NPY2R: variants seen among roughly 807,000 people sequenced by gnomAD.
NPY2R encodes neuropeptide Y receptor type 2.
A neutral mutation model predicts 22.3 loss-of-function variants in NPY2R; 17 were observed. The observed-to-expected ratio is 0.76, with a 90% confidence interval of 0.52 to 1.14. The LOEUF (loss-of-function observed/expected upper bound fraction) is 1.14. NPY2R is among the 50% of genes most tolerant of loss of function. NPY2R has a pLI of 0.00. For synonymous variants in NPY2R, 209 were observed against 183.4 expected (o/e 1.14, Z -1.13); for missense variants, 424 against 467.9 (o/e 0.91, Z 0.87).
chr4:155,174,462 T>TATATATATATATATATATATATATATA, the NPY2R span, among the ~76,000 whole-genome samples: 1 of 116,674 alleles, frequency 8.6e-6, no homozygotes, highest in African/African-American at 4.5e-5. Context: ...TGGCTAAGCT[T>TATATATATATATATATATATATATATA]TATATATATA....
chr4:155,173,963 T>A, the NPY2R span, among the ~76,000 whole-genome samples: 1 of 152,090 alleles, frequency 6.6e-6, no homozygotes, highest in South Asian at 2.1e-4. Flanking sequence ...AATACATGTT[T>A]TAATGCTTTA....
rs766234231 is a variant in NPY2R at position 155,215,839 on chromosome 4, C to T, written c.*754C>T. The stretch of plus-strand genomic sequence containing the variant: ...TTAATTTCTAATTTCAAGTTACATC[C>T]GCTTTATGGAGATACTATTTAGATA... On this transcript the variant is annotated 3_prime_UTR_variant, in exon 2 of 2. Coordinates refer to ENST00000329476, the MANE Select transcript of NPY2R (RefSeq NM_000910.4). 9.0e-5 allele frequency: 15 copies of T among 166,896 alleles called. No individual in the cohort carries two copies. Among genetic ancestry groups the T allele is most frequent in the African/African-American group, 2.4e-4 (10 of 41,402 alleles). 10.3% of individuals were successfully genotyped at this position (166,896 alleles called of 1,614,324 possible). A position where few individuals can be genotyped will look rare whatever the true frequency, so the allele number is the denominator to read the frequency against.
At chr4:155,187,460 A>G in the NPY2R span, among the ~76,000 whole-genome samples, 1 of 152,126 alleles carries the variant, frequency 6.6e-6, no homozygotes, top group Non-Finnish European at 1.5e-5. Context: ...TCTAAGAAAG[A>G]CAAGAACCAA....
chr4:155,197,356 C>T, the NPY2R span, among the ~76,000 whole-genome samples: 5 of 151,764 alleles, frequency 3.3e-5, no homozygotes, highest in Admixed American at 3.3e-4. Flanking sequence ...GGAGTGTAAA[C>T]CTACTTATAA....
chr4:155,216,148 C>T lies in NPY2R; in HGVS notation c.*1063C>T. ...ACAATGTAATTACATTAAAATGGACCTATCTGTAAGAGGTACTAAAAACAC... is the reference window on the plus strand; with the variant it reads ...ACAATGTAATTACATTAAAATGGACTTATCTGTAAGAGGTACTAAAAACAC... On this transcript the variant is annotated 3_prime_UTR_variant, in exon 2 of 2. Transcript: ENST00000329476. The T allele has an allele frequency of 6.0e-6, 1 of 167,086 alleles. No individual in the cohort carries two copies. The allele number at this position is 167,086 out of a possible 1,614,324, so 10.4% of individuals were successfully genotyped here.
chr4:155,212,880 C>T (rs1421977107), intron 1 of NPY2R, among the ~76,000 whole-genome samples: 5 of 152,252 alleles, frequency 3.3e-5, no homozygotes, highest in Admixed American at 3.3e-4. Context: ...TGTTCCAACC[C>T]AAGTTTCCTT....
the NPY2R span, among the ~76,000 whole-genome samples, chr4:155,185,767 T>G: frequency 8.6e-6 from 1 of 115,728 alleles, no homozygotes; most frequent in Admixed American, 8.6e-5. Flanking sequence ...GAGAATCATG[T>G]GTGCCTGGTG....
At chr4:155,192,719 A>C in the NPY2R span, among the ~76,000 whole-genome samples, 1 of 151,950 alleles carries the variant, frequency 6.6e-6, no homozygotes, top group East Asian at 1.9e-4. Flanking sequence ...AAAATATGCA[A>C]GACTTCAAGA....
At chr4:155,199,672 T>C in the NPY2R span, among the ~76,000 whole-genome samples, 396 of 152,008 alleles carry the variant, frequency 2.6e-3, 2 homozygotes, top group African/African-American at 9.0e-3. Context: ...AACAGAAATA[T>C]AGACCAATGG....
At chr4:155,187,578 C>T in the NPY2R span, among the ~76,000 whole-genome samples, 1 of 152,174 alleles carries the variant, frequency 6.6e-6, no homozygotes, top group Non-Finnish European at 1.5e-5. Flanking sequence ...GAGTCTTGCC[C>T]TTACACAGTG....
At chr4:155,188,702 G>A in the NPY2R span, among the ~76,000 whole-genome samples, 1 of 152,250 alleles carries the variant, frequency 6.6e-6, no homozygotes, top group East Asian at 1.9e-4. Context: ...CTAGCAAGGA[G>A]ATGAAGCTCT....
upstream of NPY2R, among the ~76,000 whole-genome samples, chr4:155,205,474 A>C (rs1185825083): frequency 1.3e-5 from 2 of 152,178 alleles, no homozygotes; most frequent in African/African-American, 2.4e-5. Flanking sequence ...AGTGGTCCTC[A>C]ATACTGATAT....
At chr4:155,202,594 AT>A in the NPY2R span, among the ~76,000 whole-genome samples, 1 of 152,164 alleles carries the variant, frequency 6.6e-6, no homozygotes, top group Non-Finnish European at 1.5e-5. Context: ...TACTTGCATT[AT>A]TCATTTCATG....
chr4:155,205,778 A>T (rs540818001), upstream of NPY2R, among the ~76,000 whole-genome samples: 16 of 151,952 alleles, frequency 1.1e-4, no homozygotes, highest in Non-Finnish European at 2.2e-4. Context: ...ATGTTACAAT[A>T]TTGGAGGCCC....
chr4:155,212,534 T>C (rs1281391272), intron 1 of NPY2R, among the ~76,000 whole-genome samples: 2 of 152,180 alleles, frequency 1.3e-5, no homozygotes, highest in Non-Finnish European at 2.9e-5. Flanking sequence ...AAATGCATGA[T>C]GCATGCAGGT....
chr4:155,203,287 A>C, the NPY2R span, among the ~76,000 whole-genome samples: 8 of 152,158 alleles, frequency 5.3e-5, no homozygotes, highest in Non-Finnish European at 1.2e-4. Context: ...TGCCTTATTC[A>C]TATTGCATAC....
the NPY2R span, among the ~76,000 whole-genome samples, chr4:155,174,462 T>TTATATATATATATATATATATATA: frequency 4.3e-4 from 50 of 116,568 alleles, 2 homozygotes; most frequent in East Asian, 4.7e-3. Flanking sequence ...TGGCTAAGCT[T>TTATATATATATATATATATATATA]TATATATATA....
Position 155,214,496 on chromosome 4 carries a change from T to G in NPY2R, c.557T>G (p.Phe186Cys), listed in dbSNP as rs1448179522. 7.4e-6 allele frequency: 12 copies of G among 1,614,174 alleles called. No individual in the cohort carries two copies. Among genetic ancestry groups the G allele is most frequent in the Non-Finnish European group, 1.0e-5 (12 of 1,180,008 alleles). ...SALLASPLAI[F>C]REYSLIEIIP... Reference sequence around the variant, plus strand: ...CTGCTGGCAAGTCCCCTGGCCATCTTCCGGGAGTATTCGCTGATTGAGATC... The same window carrying G: ...CTGCTGGCAAGTCCCCTGGCCATCTGCCGGGAGTATTCGCTGATTGAGATC... The change falls in exon 2 of 2, where the codon TTC becomes TGC. Residue 186 changes from phenylalanine (F) to cysteine (C), a missense_variant. Transcript: ENST00000329476.
the NPY2R span, among the ~76,000 whole-genome samples, chr4:155,186,002 A>G: frequency 1.3e-5 from 2 of 152,170 alleles, no homozygotes; most frequent in African/African-American, 2.4e-5. Context: ...CATTAACAAG[A>G]CCAGAAAGTA....
Sources: gnomAD v4.1 joint callset for allele counts (sites outside exome capture counted in the v4.1 genomes callset) on GRCh38, gnomAD v4.1.1 for gene constraint, MANE v1.5 for transcripts, NCBI Gene and HGNC (gene_info 2026-07-23, HGNC 2026-07-21) for gene names.